Variants in GCN1 observed in about 807,000 individuals in gnomAD.
The protein encoded by GCN1 is GCN1 activator of EIF2AK4.
Under a neutral mutation model 288.4 loss-of-function variants are expected in GCN1, and 90 were observed. The ratio of observed to expected loss-of-function variants is 0.31; its 90% confidence interval spans 0.26 to 0.37. The LOEUF (loss-of-function observed/expected upper bound fraction) is 0.37. GCN1 is among the 10% of genes least tolerant of loss of function. The probability of loss-of-function intolerance (pLI) is 1.00; values close to 1 mark genes in which losing one functional copy is unlikely to be tolerated. For missense variants in GCN1, 2,586 were observed against 3,419.9 expected, an observed-to-expected ratio of 0.76 and a Z score of 6.08; for synonymous variants, 1,386 against 1,420.2, an observed-to-expected ratio of 0.98 and a Z score of 0.54.
At chr12:120,167,352 C>CAAAAAAAAAAAA (rs58505091) in intron 16 of GCN1, among the ~76,000 whole-genome samples, 1 of 73,014 alleles carries the variant, frequency 1.4e-5, no homozygotes, top group Non-Finnish European at 3.0e-5. Flanking sequence ...AACTCCATCT[C>CAAAAAAAAAAAA]AAAAAAAAAA....
intron 56 of GCN1, among the ~76,000 whole-genome samples, chr12:120,130,339 C>T (rs1344561922): frequency 6.6e-6 from 1 of 152,186 alleles, no homozygotes; most frequent in Non-Finnish European, 1.5e-5. Context: ...AAGATGGGAA[C>T]CCAGGTCTGT....
In GCN1 at chr12:120,139,999, C is replaced by A. The variant is rs148385618; in HGVS notation, c.5994+860G>T. Among the ~76,000 whole-genome samples the A allele has an allele frequency of 6.6e-3, 1,004 of 152,352 alleles. 22 individuals are homozygous for A. The highest frequency in any genetic ancestry group is 0.023 in the African/African-American group (960 of 41,582). On this transcript the variant is annotated intron_variant, in intron 45 of 57. Coordinates refer to ENST00000300648, the MANE Select transcript of GCN1 (RefSeq NM_006836.2). ...TTGCCATTGGACTGTGGGGACTTTG[C>A]AGACAAGAACTCAGCCTCTGTGGAA...
Position 120,174,142 on chromosome 12 carries a change from A to T in GCN1, c.1121T>A (p.Val374Glu). Reference sequence around the variant, plus strand: ...CAGGACCTGACTGGAAGGTCCAGACACCACGTGATGACTGACGCTCCCAAT... The same window carrying T: ...CAGGACCTGACTGGAAGGTCCAGACTCCACGTGATGACTGACGCTCCCAAT... ...SGIGSVSHHV[V>E]SGPSSQVLNG... is the part of the protein sequence containing the mutation. The change falls in exon 13 of 58, where the codon GTG becomes GAG. Residue 374 changes from valine (V) to glutamate (E), a missense_variant. By Grantham distance (121) the Val-to-Glu change is moderately radical. Around this residue, in one of 8 missense-constraint regions of GCN1, gnomAD observed 913 missense variants for 1,107.0 expected, o/e 0.82. Transcript: ENST00000300648. 1 of 1,601,490 alleles carries T rather than the reference A, an allele frequency of 6.2e-7. No individual in the cohort carries two copies. Among genetic ancestry groups the T allele is most frequent in the South Asian group, 1.1e-5 (1 of 90,802 alleles).
intron 1 of GCN1, among the ~76,000 whole-genome samples, chr12:120,192,748 G>C (rs906377316): frequency 1.5e-5 from 2 of 129,264 alleles, no homozygotes; most frequent in Admixed American, 7.7e-5. Flanking sequence ...AAAAAAAAAA[G>C]AATACTGAAG....
chr12:120,186,845 G>A (rs964331383), intron 2 of GCN1, among the ~76,000 whole-genome samples: 1 of 152,210 alleles, frequency 6.6e-6, no homozygotes, highest in African/African-American at 2.4e-5. Context: ...GGCTCAGAGA[G>A]GTGAAGTAAC....
rs551219094 is a variant in GCN1 at position 120,151,761 on chromosome 12, T to C, written c.4063-370A>G. On this transcript the variant is annotated intron_variant, in intron 33 of 57. Coordinates refer to ENST00000300648, the MANE Select transcript of GCN1 (RefSeq NM_006836.2). ...GCTTTGCCTCCATAAAAACAGCCCG[T>C]GTCTCTGTTTCCAAACTTGTCAAAA... 5.1e-4 allele frequency among the ~76,000 whole-genome samples: 77 copies of C among 152,260 alleles called. 1 individual carries two copies. Among genetic ancestry groups the C allele is most frequent in the African/African-American group, 1.8e-3 (76 of 41,572 alleles).
chr12:120,157,087 C>A, intron 26 of GCN1, 95 bp from the exon 27 acceptor site: 1 of 755,518 alleles, frequency 1.3e-6, no homozygotes, highest in Non-Finnish European at 2.3e-6. Flanking sequence ...CACGGGGGAA[C>A]ATTCTGGATC....
intron 45 of GCN1, among the ~76,000 whole-genome samples, chr12:120,139,584 C>T (rs944044598): frequency 7.2e-5 from 11 of 151,928 alleles, no homozygotes; most frequent in African/African-American, 1.2e-4. Context: ...GCTATGATCG[C>T]ACCACTGCAC....
chr12:120,129,866 A>G (rs1030895221), intron 56 of GCN1, among the ~76,000 whole-genome samples: 3 of 152,026 alleles, frequency 2.0e-5, no homozygotes, highest in African/African-American at 4.8e-5. Context: ...AATCTTATCT[A>G]TATCAGGGTC....
chr12:120,170,654 C>T (rs2139125988), intron 14 of GCN1, among the ~76,000 whole-genome samples: 1 of 151,806 alleles, frequency 6.6e-6, no homozygotes, highest in Middle Eastern at 3.4e-3. Flanking sequence ...ATTAAAAATA[C>T]AAAATTAGCT....
intron 46 of GCN1, 104 bp downstream of exon 46, chr12:120,138,591 G>A (rs549625938): frequency 8.7e-5 from 105 of 1,211,892 alleles, no homozygotes; most frequent in Non-Finnish European, 1.2e-4. Flanking sequence ...CCCTCTGGAG[G>A]GCCCACATTG....
intron 42 of GCN1, among the ~76,000 whole-genome samples, chr12:120,143,489 G>A (rs2139093629): frequency 6.6e-6 from 1 of 152,172 alleles, no homozygotes; most frequent in East Asian, 1.9e-4. Flanking sequence ...GGCTGAGGCA[G>A]GAGAATTGCT....
chr12:120,174,710 G>A (rs1199668266), intron 12 of GCN1, among the ~76,000 whole-genome samples: 8 of 148,376 alleles, frequency 5.4e-5, no homozygotes, highest in African/African-American at 2.0e-4. Context: ...AGGATTGCTT[G>A]AACCCGGGAG....
At chr12:120,166,438 C>T (rs1387297382) in intron 16 of GCN1, among the ~76,000 whole-genome samples, 2 of 147,158 alleles carry the variant, frequency 1.4e-5, no homozygotes, top group Non-Finnish European at 3.0e-5. Context: ...GATCCGGTGG[C>T]TCACGCATGT....
In GCN1 at chr12:120,138,686, T is replaced by A; in HGVS notation, c.6156+9A>T. 6.2e-7 allele frequency: 1 copy of A among 1,608,910 alleles called. No homozygotes were observed. The highest frequency in any genetic ancestry group is 8.5e-7 in the Non-Finnish European group (1 of 1,175,608). On this transcript the variant is annotated intron_variant, in intron 46 of 57. Transcript: ENST00000300648. ...AACTGGTAGGTAGGTGTGTGGTAGA[T>A]CCACTCACCAGCTGCTTTAGTAAAA...
At chr12:120,164,860 A>T (rs1878049649) in intron 16 of GCN1, 139 bp from the exon 17 acceptor site, 2 of 537,550 alleles carry the variant, frequency 3.7e-6, no homozygotes, top group African/African-American at 2.0e-5. Context: ...GTGAAATTAC[A>T]GCTTGTTTTT....
chr12:120,167,730 T>C (rs930455177), intron 16 of GCN1, among the ~76,000 whole-genome samples: 2 of 152,202 alleles, frequency 1.3e-5, no homozygotes, highest in African/African-American at 4.8e-5. Flanking sequence ...TTGCGATTTA[T>C]GAGTCAAACG....
chr12:120,152,663 T>A (rs975801719), intron 33 of GCN1, among the ~76,000 whole-genome samples: 6 of 136,290 alleles, frequency 4.4e-5, no homozygotes, highest in Admixed American at 2.3e-4. Context: ...ACACACAAAA[T>A]ATATATATAT....
Position 120,137,402 on chromosome 12 carries a change from G to T in GCN1, c.6664-83C>A. 1 of 1,414,708 alleles carries T rather than the reference G, an allele frequency of 7.1e-7. No homozygotes were observed. The highest frequency in any genetic ancestry group is 1.0e-6 in the Non-Finnish European group (1 of 1,003,048). 87.6% of individuals were successfully genotyped at this position (1,414,708 alleles called of 1,614,324 possible). On this transcript the variant is annotated intron_variant, in intron 49 of 57. Coordinates refer to ENST00000300648, the MANE Select transcript of GCN1 (RefSeq NM_006836.2). The surrounding 1 kb of genome is among the most constrained non-coding windows in gnomAD (Gnocchi z 5.2). ...AGAATATATGGGGAAAGCGTGGGCGGGAGTATAAACAAGACTTGCCACGAG... is the reference window on the plus strand; with the variant it reads ...AGAATATATGGGGAAAGCGTGGGCGTGAGTATAAACAAGACTTGCCACGAG...
Sources: gnomAD v4.1 joint callset for allele counts (sites outside exome capture counted in the v4.1 genomes callset) on GRCh38, gnomAD v4.1.1 for gene constraint, gnomAD v4.1.1 regional missense constraint, Gnocchi (gnomAD v3.1) non-coding constraint, MANE v1.5 for transcripts, NCBI Gene and HGNC (gene_info 2026-07-23, HGNC 2026-07-21) for gene names.